DLGAP2: variants seen among roughly 807,000 people sequenced by gnomAD.
The protein encoded by DLGAP2 is DLG associated protein 2, also known as disks large-associated protein 2.
Under a neutral mutation model 100.3 loss-of-function variants are expected in DLGAP2, and 26 were observed. That is an observed-to-expected ratio of 0.26 (90% confidence interval 0.19 to 0.36). DLGAP2 has a LOEUF of 0.36. Among genes scored for constraint, DLGAP2 ranks in the 10% least tolerant of loss-of-function variants. The pLI is 1.00. For missense variants in DLGAP2, 1,858 were observed against 1,453.2 expected (o/e 1.28, Z -4.53); for synonymous variants, 886 against 630.1 (o/e 1.41, Z -6.08).
chr8:793,822 C>G (rs534597312), intron 1 of DLGAP2, among the ~76,000 whole-genome samples: 3 of 152,298 alleles, frequency 2.0e-5, no homozygotes, highest in African/African-American at 7.2e-5. Context: ...TTTACAGAAC[C>G]AAGGACAACA....
intron 1 of DLGAP2, among the ~76,000 whole-genome samples, chr8:899,934 G>A (rs1220813413): frequency 2.6e-5 from 4 of 152,196 alleles, no homozygotes; most frequent in East Asian, 3.9e-4. Flanking sequence ...CCTCCCTCCC[G>A]AGGCCAGCGG....
intron 4 of DLGAP2, among the ~76,000 whole-genome samples, chr8:1,511,853 C>A (rs1800175725): frequency 6.6e-6 from 1 of 152,212 alleles, no homozygotes; most frequent in Non-Finnish European, 1.5e-5. Flanking sequence ...GTCACATGAG[C>A]AAAGGTGAAC....
intron 3 of DLGAP2, among the ~76,000 whole-genome samples, chr8:1,314,171 AAC>A (rs1288415492): frequency 1.3e-5 from 2 of 152,248 alleles, no homozygotes; most frequent in African/African-American, 4.8e-5. Flanking sequence ...TATGATGAGA[AAC>A]ACACGTTTAT....
chr8:1,473,742 G>C (rs1203767835), intron 3 of DLGAP2, among the ~76,000 whole-genome samples: 1 of 152,098 alleles, frequency 6.6e-6, no homozygotes, highest in Non-Finnish European at 1.5e-5. Flanking sequence ...TCATGGGGTG[G>C]GTCCCTCCAT....
intron 2 of DLGAP2, among the ~76,000 whole-genome samples, chr8:1,012,254 C>T (rs1483695175): frequency 6.6e-6 from 1 of 152,166 alleles, no homozygotes; most frequent in East Asian, 1.9e-4. Context: ...AGGCTTAAAT[C>T]CCCATCCCTT....
chr8:1,256,814 G>A (rs1585199182), intron 2 of DLGAP2, among the ~76,000 whole-genome samples: 1 of 152,186 alleles, frequency 6.6e-6, no homozygotes, highest in Non-Finnish European at 1.5e-5. Flanking sequence ...AGTGATGGCA[G>A]CGATGGGATG....
chr8:1,309,287 A>G (rs1800560223), intron 3 of DLGAP2, among the ~76,000 whole-genome samples: 1 of 152,356 alleles, frequency 6.6e-6, no homozygotes, highest in Non-Finnish European at 1.5e-5. Context: ...ACATGAAGAG[A>G]TTTGCAAAAG....
At chr8:1,136,514 G>C (rs1399049591) in intron 2 of DLGAP2, among the ~76,000 whole-genome samples, 1 of 152,192 alleles carries the variant, frequency 6.6e-6, no homozygotes, top group African/African-American at 2.4e-5. Flanking sequence ...CTTCCTTCGT[G>C]AGGGCCACGG....
intron 3 of DLGAP2, among the ~76,000 whole-genome samples, chr8:1,427,800 A>T (rs7830456): frequency 6.6e-6 from 1 of 152,108 alleles, no homozygotes; most frequent in Non-Finnish European, 1.5e-5. Context: ...CGTAAGTCCA[A>T]TAAGTCTCTT....
Position 1,282,279 on chromosome 8 carries a change from A to G in DLGAP2, c.106+23396A>G, listed in dbSNP as rs1336117021. ...ACCCAGCGCCCTGAACCATCCGGAC[A>G]TGGTGTGACCTGAACCCAGCGCCCT... On this transcript the variant is annotated intron_variant, in intron 3 of 14. Coordinates refer to ENST00000637795, the MANE Select transcript of DLGAP2 (RefSeq NM_001346810.2). 1.1e-4 allele frequency among the ~76,000 whole-genome samples: 13 copies of G among 116,274 alleles called. No homozygotes were observed. The South Asian group carries it at 1.6e-3, about 14-fold the overall frequency. The allele number at this position is 116,274 out of a possible 152,430, so 76.3% of individuals were successfully genotyped here. A position where few individuals can be genotyped will look rare whatever the true frequency, so the allele number is the denominator to read the frequency against.
At chr8:1,530,212 A>G (rs980061764) in intron 4 of DLGAP2, among the ~76,000 whole-genome samples, 1 of 152,172 alleles carries the variant, frequency 6.6e-6, no homozygotes, top group African/African-American at 2.4e-5. Flanking sequence ...TCTCAACCAC[A>G]GGAGACAGGT....
At chr8:1,094,101 A>C (rs1804287630) in intron 2 of DLGAP2, among the ~76,000 whole-genome samples, 1 of 151,478 alleles carries the variant, frequency 6.6e-6, no homozygotes, top group Admixed American at 6.6e-5. Context: ...TCTGTGGTGG[A>C]TGGAGGGCAG....
At chr8:1,674,621 CTCATA>C (rs1231912854) in intron 10 of DLGAP2, among the ~76,000 whole-genome samples, 1 of 152,196 alleles carries the variant, frequency 6.6e-6, no homozygotes, top group African/African-American at 2.4e-5. Flanking sequence ...ATTTATTTCA[CTCATA>C]TCAGATTTGG....
chr8:1,023,003 G>A (rs542388363), intron 2 of DLGAP2, among the ~76,000 whole-genome samples: 22 of 152,320 alleles, frequency 1.4e-4, no homozygotes, highest in Admixed American at 5.2e-4. Context: ...CATTAAACTC[G>A]CATGTATCTT....
intron 2 of DLGAP2, among the ~76,000 whole-genome samples, chr8:1,210,805 A>G (rs749777656): frequency 1.4e-5 from 2 of 147,546 alleles, no homozygotes; most frequent in African/African-American, 2.5e-5. Context: ...CCTGGGCCCC[A>G]TGTGGTCGGT....
intron 1 of DLGAP2, among the ~76,000 whole-genome samples, chr8:887,332 C>T (rs1797942831): frequency 6.6e-6 from 1 of 152,018 alleles, no homozygotes; most frequent in Non-Finnish European, 1.5e-5. Context: ...TCCAATTTGC[C>T]AGTCTGTGTC....
chr8:941,573 G>A (rs562175018), intron 2 of DLGAP2, among the ~76,000 whole-genome samples: 10 of 152,082 alleles, frequency 6.6e-5, no homozygotes, highest in African/African-American at 2.2e-4. Flanking sequence ...CTCCACAGGC[G>A]CTATTGGAAA....
At chr8:1,070,520 C>G (rs1803394583) in intron 2 of DLGAP2, among the ~76,000 whole-genome samples, 2 of 152,170 alleles carry the variant, frequency 1.3e-5, no homozygotes. Context: ...TGTCCTTAGG[C>G]TCTGAAATAT....
At position 1,206,169 on chromosome 8, in the gene DLGAP2, G is replaced by A. The variant is rs572558441; in HGVS notation, c.74-52682G>A. ...CAAAGGAGTTTGAAGGGAAGGCGCT[G>A]TGAGAAGGGTAGGTACAAGTGCCAG... On this transcript the variant is annotated intron_variant, in intron 2 of 14. Transcript: ENST00000637795. Among the ~76,000 whole-genome samples the A allele has an allele frequency of 6.6e-5, 10 of 152,340 alleles. No homozygotes were observed. In the East Asian group the frequency reaches 1.7e-3, roughly 26 times the overall value.
Sources: allele counts gnomAD v4.1 joint callset (sites outside exome capture counted in the v4.1 genomes callset), GRCh38; gene constraint gnomAD v4.1.1; transcripts MANE v1.5; gene names NCBI Gene and HGNC (gene_info 2026-07-23, HGNC 2026-07-21).